The following FUT8 variants were observed in gnomAD, a reference collection of about 807,000 sequenced individuals.
The protein encoded by FUT8 is alpha-(1,6)-fucosyltransferase.
FUT8 carries 29 observed loss-of-function variants against 71.3 expected under a neutral mutation model. The observed-to-expected ratio is 0.41, with a 90% CI of 0.30 to 0.55. FUT8 has a LOEUF of 0.55. Ranked by LOEUF, FUT8 falls within the 20% of genes least tolerant of loss-of-function variation. The pLI, the probability that FUT8 is intolerant of heterozygous loss-of-function variation, is 0.34. For missense variants in FUT8, 544 were observed against 702.1 expected, an observed-to-expected ratio of 0.77 and a Z score of 2.55; for synonymous variants, 254 against 239.3, an observed-to-expected ratio of 1.06 and a Z score of -0.57.
intron 7 of FUT8, among the ~76,000 whole-genome samples, chr14:65,671,570 C>G (rs534658384): frequency 2.6e-5 from 4 of 152,112 alleles, no homozygotes; most frequent in Non-Finnish European, 5.9e-5. Flanking sequence ...AAACTCATGC[C>G]AAACACTTTA....
intron 5 of FUT8, among the ~76,000 whole-genome samples, chr14:65,621,565 C>G (rs1433968429): frequency 6.8e-6 from 1 of 147,000 alleles, no homozygotes; most frequent in Non-Finnish European, 1.5e-5. Flanking sequence ...ATTTGTTCCT[C>G]TTTTTTTTTA....
chr14:65,430,961 A>G lies in FUT8; in HGVS notation c.-326+17747A>G, dbSNP rs1409248062. 3.3e-5 allele frequency among the ~76,000 whole-genome samples: 5 copies of G among 149,900 alleles called. No homozygotes were observed. The East Asian group carries it at 5.8e-4, about 17-fold the overall frequency. On this transcript the variant is annotated intron_variant, in intron 1 of 10. Coordinates refer to ENST00000673929, the MANE Select transcript of FUT8 (RefSeq NM_001371533.1). The stretch of plus-strand genomic sequence containing the variant: ...GATTGGCAATTCTTTTCCACTTCCT[A>G]TAGGGGCTATTTCAGACCTTTTCTA...
At chr14:65,373,188 A>G in the FUT8 span, among the ~76,000 whole-genome samples, 2 of 151,796 alleles carry the variant, frequency 1.3e-5, no homozygotes, top group East Asian at 1.9e-4. Context: ...CGATTGTGAT[A>G]TGGACAGGAT....
chr14:65,425,468 G>A (rs1453813926), intron 1 of FUT8, among the ~76,000 whole-genome samples: 1 of 119,572 alleles, frequency 8.4e-6, no homozygotes, highest in Non-Finnish European at 1.8e-5. Flanking sequence ...ATGCCTGGCC[G>A]TTTTTTTTTT....
At chr14:65,522,041 G>A (rs1236878268) in intron 2 of FUT8, among the ~76,000 whole-genome samples, 1 of 151,992 alleles carries the variant, frequency 6.6e-6, no homozygotes, top group East Asian at 1.9e-4. Context: ...AAAGATTTTT[G>A]GTCTCTTAGT....
intron 2 of FUT8, among the ~76,000 whole-genome samples, chr14:65,498,256 A>G (rs2066591113): frequency 6.6e-6 from 1 of 152,164 alleles, no homozygotes; most frequent in Non-Finnish European, 1.5e-5. Flanking sequence ...TTCTTCAAGT[A>G]AAATCTTACT....
chr14:65,394,466 C>T, the FUT8 span, among the ~76,000 whole-genome samples: 4 of 152,218 alleles, frequency 2.6e-5, no homozygotes, highest in Non-Finnish European at 5.9e-5. Context: ...CCTTCCAAAT[C>T]TCATGTCCTC....
intron 1 of FUT8, among the ~76,000 whole-genome samples, chr14:65,442,376 C>T (rs2065673801): frequency 6.6e-6 from 1 of 151,566 alleles, no homozygotes; most frequent in Admixed American, 6.6e-5. Context: ...AGAGACATGT[C>T]GGCCAGGATG....
At chr14:65,418,398 A>G (rs1269569009) in intron 1 of FUT8, among the ~76,000 whole-genome samples, 1 of 152,238 alleles carries the variant, frequency 6.6e-6, no homozygotes, top group Non-Finnish European at 1.5e-5. Context: ...AATATCTAGA[A>G]CCAGATTAAA....
intron 3 of FUT8, among the ~76,000 whole-genome samples, chr14:65,598,066 C>A (rs950294777): frequency 1.3e-5 from 2 of 151,986 alleles, no homozygotes; most frequent in Admixed American, 1.3e-4. Flanking sequence ...CCCAGCTACT[C>A]TGGAAGCTGA....
At chr14:65,621,028 G>A (rs543881492) in intron 5 of FUT8, among the ~76,000 whole-genome samples, 2 of 152,168 alleles carry the variant, frequency 1.3e-5, no homozygotes, top group South Asian at 4.2e-4. Flanking sequence ...ATCTCCAGGT[G>A]GAAAAGGGTG....
At chr14:65,496,592 T>G (rs1306245612) in intron 2 of FUT8, among the ~76,000 whole-genome samples, 2 of 152,188 alleles carry the variant, frequency 1.3e-5, no homozygotes, top group Admixed American at 6.6e-5. Context: ...ACCCACTCGC[T>G]CTCTCTTGCC....
At chr14:65,507,250 C>T (rs769012487) in intron 2 of FUT8, among the ~76,000 whole-genome samples, 3 of 152,192 alleles carry the variant, frequency 2.0e-5, no homozygotes, top group Admixed American at 1.3e-4. Flanking sequence ...TTGCCTTCAA[C>T]CATGTCTATT....
intron 1 of FUT8, among the ~76,000 whole-genome samples, chr14:65,428,971 A>G (rs893304283): frequency 1.3e-5 from 2 of 152,204 alleles, no homozygotes; most frequent in African/African-American, 4.8e-5. Context: ...AGGTTGTCCT[A>G]GAGGCAAAGC....
At chr14:65,645,123 G>C (rs7144345) in intron 6 of FUT8, among the ~76,000 whole-genome samples, 105,278 of 152,096 alleles carry the variant, frequency 0.69, 36,709 homozygotes, top group East Asian at 0.89. Flanking sequence ...TTGCACGTGT[G>C]CATGAATGAC....
the FUT8 span, among the ~76,000 whole-genome samples, chr14:65,376,394 C>T: frequency 1.8e-4 from 27 of 152,194 alleles, no homozygotes; most frequent in Admixed American, 1.3e-3. Flanking sequence ...GAAAATCTCT[C>T]GTTTCATCCA....
intron 3 of FUT8, among the ~76,000 whole-genome samples, chr14:65,597,620 C>CT (rs1185771038): frequency 1.2e-5 from 1 of 85,208 alleles, no homozygotes; most frequent in African/African-American, 4.6e-5. Context: ...GAGACTCTGT[C>CT]TAAAAAAAAA....
At chr14:65,594,629 A>G (rs1459346512) in intron 3 of FUT8, among the ~76,000 whole-genome samples, 1 of 152,202 alleles carries the variant, frequency 6.6e-6, no homozygotes, top group Non-Finnish European at 1.5e-5. Context: ...GAGGTCATGC[A>G]GATGAACTGA....
intron 3 of FUT8, among the ~76,000 whole-genome samples, chr14:65,570,574 C>G (rs1037710057): frequency 2.6e-5 from 4 of 152,030 alleles, no homozygotes; most frequent in African/African-American, 9.7e-5. Flanking sequence ...TGCTGACATA[C>G]ACGATTTCCA....
Sources: allele counts gnomAD v4.1 joint callset (sites outside exome capture counted in the v4.1 genomes callset), GRCh38; gene constraint gnomAD v4.1.1; transcripts MANE v1.5; gene names NCBI Gene and HGNC (gene_info 2026-07-23, HGNC 2026-07-21).